Variants in SPOCK3 observed in about 807,000 individuals in gnomAD.
SPOCK3 encodes testican-3.
SPOCK3 carries 30 observed loss-of-function variants against 56.6 expected under a neutral mutation model. That is an observed-to-expected ratio of 0.53 (90% CI 0.40 to 0.72). The LOEUF (loss-of-function observed/expected upper bound fraction) is 0.72, where lower values mean the gene tolerates loss of function less well. SPOCK3 is among the 30% of genes least tolerant of loss of function. The probability of loss-of-function intolerance (pLI) is 0.00; values close to 1 mark genes in which losing one functional copy is unlikely to be tolerated. For synonymous variants in SPOCK3, 196 were observed against 183.3 expected (o/e 1.07, Z -0.56); for missense variants, 527 against 530.0 (o/e 0.99, Z 0.06).
intron 2 of SPOCK3, among the ~76,000 whole-genome samples, chr4:167,153,661 G>A (rs182214996): frequency 1.7e-4 from 26 of 152,168 alleles, no homozygotes; most frequent in African/African-American, 4.3e-4. Context: ...ACAGAAAGTC[G>A]TATATTTCAC....
chr4:166,744,758 C>G (rs1021047597), intron 8 of SPOCK3, among the ~76,000 whole-genome samples: 2 of 152,062 alleles, frequency 1.3e-5, no homozygotes, highest in Non-Finnish European at 2.9e-5. Flanking sequence ...AGACAAATGG[C>G]TAACAGGAAT....
chr4:167,130,641 T>C (rs1762630809), intron 2 of SPOCK3, among the ~76,000 whole-genome samples: 1 of 152,072 alleles, frequency 6.6e-6, no homozygotes, highest in Admixed American at 6.6e-5. Flanking sequence ...AAAATCAATA[T>C]AATTATCAAA....
intron 5 of SPOCK3, among the ~76,000 whole-genome samples, chr4:166,912,370 T>C (rs1186254780): frequency 1.3e-5 from 2 of 152,216 alleles, no homozygotes; most frequent in African/African-American, 2.4e-5. Context: ...ACTTCTTTCA[T>C]AGTAGCAACA....
chr4:166,805,426 C>A (rs1743053184), intron 6 of SPOCK3, among the ~76,000 whole-genome samples: 1 of 151,816 alleles, frequency 6.6e-6, no homozygotes, highest in Non-Finnish European at 1.5e-5. Context: ...TCACATATAC[C>A]TACAATGTGT....
At chr4:167,121,478 A>C (rs2150364434) in intron 2 of SPOCK3, among the ~76,000 whole-genome samples, 1 of 152,258 alleles carries the variant, frequency 6.6e-6, no homozygotes, top group Middle Eastern at 3.4e-3. Flanking sequence ...TCAAACAAAA[A>C]AAAAAAAAGT....
intron 2 of SPOCK3, among the ~76,000 whole-genome samples, chr4:167,123,769 A>T: frequency 2.3e-5 from 3 of 129,758 alleles, no homozygotes; most frequent in Admixed American, 8.4e-5. Flanking sequence ...TTTAAGACTG[A>T]GTCTTCCTCT....
intron 2 of SPOCK3, among the ~76,000 whole-genome samples, chr4:167,091,889 A>G (rs989355790): frequency 2.0e-5 from 3 of 152,148 alleles, no homozygotes; most frequent in African/African-American, 7.2e-5. Context: ...TGCAATGACA[A>G]TGGTAAGGCA....
intron 3 of SPOCK3, among the ~76,000 whole-genome samples, chr4:167,029,779 C>A (rs1752083911): frequency 6.6e-6 from 1 of 151,964 alleles, no homozygotes; most frequent in Non-Finnish European, 1.5e-5. Flanking sequence ...ATTTGTTGCA[C>A]ATGTATTTTA....
chr4:166,944,185 T>C (rs1186256735), intron 4 of SPOCK3, among the ~76,000 whole-genome samples: 1 of 152,020 alleles, frequency 6.6e-6, no homozygotes, highest in Non-Finnish European at 1.5e-5. Context: ...ATGTTAAGAA[T>C]TACAAAAAAC....
intron 6 of SPOCK3, among the ~76,000 whole-genome samples, chr4:166,832,517 G>T (rs983329324): frequency 6.6e-6 from 1 of 152,026 alleles, no homozygotes; most frequent in African/African-American, 2.4e-5. Flanking sequence ...ATTTTCCAAA[G>T]AACTTAAAAG....
chr4:167,146,598 A>G (rs1763981154), intron 2 of SPOCK3, among the ~76,000 whole-genome samples: 1 of 152,022 alleles, frequency 6.6e-6, no homozygotes, highest in Non-Finnish European at 1.5e-5. Context: ...GAACGGAAAT[A>G]ATAACAAACT....
chr4:167,033,173 G>A (rs751395802), intron 3 of SPOCK3, among the ~76,000 whole-genome samples: 36 of 151,650 alleles, frequency 2.4e-4, no homozygotes, highest in African/African-American at 7.7e-4. Flanking sequence ...CACCAGTGCC[G>A]AGCATTATTA....
At chr4:166,955,382 A>G (rs1743285396) in intron 4 of SPOCK3, among the ~76,000 whole-genome samples, 1 of 150,306 alleles carries the variant, frequency 6.7e-6, no homozygotes, top group Non-Finnish European at 1.5e-5. Context: ...ACAGGGCTCT[A>G]TGCATTTCAG....
intron 2 of SPOCK3, among the ~76,000 whole-genome samples, chr4:167,205,258 T>C (rs1429129125): frequency 1.3e-5 from 1 of 76,820 alleles, no homozygotes; most frequent in African/African-American, 5.7e-5. Context: ...ATTATATATA[T>C]TTTATATCTA....
intron 5 of SPOCK3, among the ~76,000 whole-genome samples, chr4:166,903,922 T>C (rs1736334966): frequency 1.3e-5 from 2 of 152,044 alleles, no homozygotes; most frequent in South Asian, 4.1e-4. Context: ...AGTCACATTC[T>C]ATTATTTTAT....
At position 167,113,397 on chromosome 4, in the gene SPOCK3, A is replaced by G. The variant is rs997842844; in HGVS notation, c.190-50860T>C. ...AATTTTTTTTTTTTTACCATTAACT[A>G]TCTTTTAGGTTTTGCTCTCAATTAA... On this transcript the variant is annotated intron_variant, in intron 2 of 10. Coordinates refer to ENST00000357545, the MANE Select transcript of SPOCK3 (RefSeq NM_001040159.2). Among the ~76,000 whole-genome samples the G allele has an allele frequency of 2.0e-5, 3 of 150,996 alleles. No homozygotes were observed. In the Admixed American group the frequency reaches 2.0e-4, roughly 10 times the overall value.
chr4:167,057,309 C>T (rs1755007416), intron 3 of SPOCK3, among the ~76,000 whole-genome samples: 1 of 152,194 alleles, frequency 6.6e-6, no homozygotes, highest in Non-Finnish European at 1.5e-5. Context: ...AAAGGAACAA[C>T]TGGTACCAGC....
chr4:167,105,594 A>G lies in SPOCK3; in HGVS notation c.190-43057T>C, dbSNP rs1240637559. On this transcript the variant is annotated intron_variant, in intron 2 of 10. Transcript: ENST00000357545. Reference sequence around the variant, plus strand: ...AAAAAAAAAATCACAAAATGGCAGGAGCAAGTCCTTATTTATCAATAATAA... The same window carrying G: ...AAAAAAAAAATCACAAAATGGCAGGGGCAAGTCCTTATTTATCAATAATAA... Among the ~76,000 whole-genome samples, 10 of 151,740 alleles carry G rather than the reference A, an allele frequency of 6.6e-5. No homozygotes were observed. The East Asian group carries it at 1.7e-3, about 26-fold the overall frequency.
At chr4:167,145,400 TATA>T (rs1403474726) in intron 2 of SPOCK3, among the ~76,000 whole-genome samples, 1 of 151,998 alleles carries the variant, frequency 6.6e-6, no homozygotes, top group Admixed American at 6.6e-5. Context: ...ATGGGAAGCA[TATA>T]ATGTTTTTTA....
Sources: allele counts gnomAD v4.1 joint callset (sites outside exome capture counted in the v4.1 genomes callset), GRCh38; gene constraint gnomAD v4.1.1; transcripts MANE v1.5; gene names NCBI Gene and HGNC (gene_info 2026-07-23, HGNC 2026-07-21).